Variants in CNTN4 observed in about 807,000 individuals in gnomAD.
CNTN4 encodes contactin-4.
In CNTN4, 77 loss-of-function variants were observed where a neutral mutation model predicts 122.5. The ratio of observed to expected loss-of-function variants is 0.63; its 90% confidence interval spans 0.52 to 0.76. The LOEUF (loss-of-function observed/expected upper bound fraction) is 0.76. Among genes scored for constraint, CNTN4 ranks in the 30% least tolerant of loss-of-function variants. The pLI is 0.00. For synonymous variants in CNTN4, 512 were observed against 447.0 expected, an observed-to-expected ratio of 1.15 and a Z score of -1.83; for missense variants, 1,256 against 1,259.1, an observed-to-expected ratio of 1.00 and a Z score of 0.04.
intron 4 of CNTN4, among the ~76,000 whole-genome samples, chr3:2,606,880 A>G (rs1017017583): frequency 2.6e-5 from 4 of 152,224 alleles, no homozygotes; most frequent in African/African-American, 9.6e-5. Context: ...CCTTTGCCTC[A>G]TGGCAGTATT....
chr3:2,404,507 G>T (rs2046963460), intron 3 of CNTN4, among the ~76,000 whole-genome samples: 1 of 152,060 alleles, frequency 6.6e-6, no homozygotes, highest in Admixed American at 6.6e-5. Flanking sequence ...CATTCTCTCT[G>T]CTCTCCCTTT....
chr3:3,038,501 A>G (rs1053129455), intron 18 of CNTN4, among the ~76,000 whole-genome samples: 1 of 152,126 alleles, frequency 6.6e-6, no homozygotes, highest in Non-Finnish European at 1.5e-5. Flanking sequence ...ACCTTGCTCT[A>G]ACTGGTGCAG....
intron 8 of CNTN4, among the ~76,000 whole-genome samples, chr3:2,867,513 C>T (rs1449473397): frequency 6.6e-6 from 1 of 152,140 alleles, no homozygotes; most frequent in African/African-American, 2.4e-5. Flanking sequence ...GTAAAAATCA[C>T]TGTGTACTTT....
chr3:2,863,321 C>CT (rs2093689265), intron 7 of CNTN4, among the ~76,000 whole-genome samples: 1 of 152,104 alleles, frequency 6.6e-6, no homozygotes, highest in Non-Finnish European at 1.5e-5. Flanking sequence ...CCAGCCAAGA[C>CT]TTTTCTGCTG....
intron 3 of CNTN4, among the ~76,000 whole-genome samples, chr3:2,527,977 G>A (rs1295335969): frequency 3.3e-5 from 5 of 152,064 alleles, no homozygotes; most frequent in Non-Finnish European, 5.9e-5. Flanking sequence ...CTAGGTTTCA[G>A]TTTTCAATGT....
intron 7 of CNTN4, among the ~76,000 whole-genome samples, chr3:2,831,188 G>T (rs753823828): frequency 6.6e-6 from 1 of 152,196 alleles, no homozygotes; most frequent in African/African-American, 2.4e-5. Context: ...ATGGCATTTT[G>T]TATGAGGGTA....
chr3:2,114,686 G>A (rs1189029406), intron 2 of CNTN4, among the ~76,000 whole-genome samples: 1 of 152,160 alleles, frequency 6.6e-6, no homozygotes, highest in Non-Finnish European at 1.5e-5. Context: ...TTGCATCATG[G>A]CTTTGTGCAA....
rs111354117 is a variant in CNTN4 at position 2,495,552 on chromosome 3, T to A, written c.-88-75864T>A. Among the ~76,000 whole-genome samples the A allele has an allele frequency of 5.3e-5, 8 of 152,336 alleles. 1 individual carries two copies. The highest frequency in any genetic ancestry group is 1.9e-4 in the African/African-American group (8 of 41,582). ...GTCTGTGGCCTGTTAGGAACCTGGCTGCACAGCAGGAGATGAGCAGCAGGC... is the reference window on the plus strand; with the variant it reads ...GTCTGTGGCCTGTTAGGAACCTGGCAGCACAGCAGGAGATGAGCAGCAGGC... On this transcript the variant is annotated intron_variant, in intron 3 of 24. Coordinates refer to ENST00000418658, the MANE Select transcript of CNTN4 (RefSeq NM_175607.3).
intron 3 of CNTN4, among the ~76,000 whole-genome samples, chr3:2,551,924 G>A (rs2078525242): frequency 6.6e-6 from 1 of 152,048 alleles, no homozygotes; most frequent in Non-Finnish European, 1.5e-5. Flanking sequence ...GTATCAGAGA[G>A]GAAATAAAAT....
chr3:2,329,888 T>G (rs1195251043), intron 2 of CNTN4, among the ~76,000 whole-genome samples: 1 of 152,160 alleles, frequency 6.6e-6, no homozygotes, highest in Non-Finnish European at 1.5e-5. Flanking sequence ...ATGCCACACT[T>G]TTTGACCAGA....
intron 2 of CNTN4, among the ~76,000 whole-genome samples, chr3:2,274,831 C>T (rs1011645818): frequency 6.6e-6 from 1 of 152,028 alleles, no homozygotes; most frequent in East Asian, 1.9e-4. Context: ...AACCCATGTC[C>T]CTGTGATAAG....
At chr3:2,952,230 C>A (rs1337042536) in intron 13 of CNTN4, among the ~76,000 whole-genome samples, 1 of 152,190 alleles carries the variant, frequency 6.6e-6, no homozygotes, top group African/African-American at 2.4e-5. Context: ...ATAGTTGGAA[C>A]CTGTCTGGAC....
At chr3:2,317,196 G>A (rs1025880620) in intron 2 of CNTN4, among the ~76,000 whole-genome samples, 4 of 152,156 alleles carry the variant, frequency 2.6e-5, no homozygotes, top group Non-Finnish European at 4.4e-5. Flanking sequence ...AGCGTTGCCC[G>A]CTGAATCTAG....
At chr3:2,879,976 A>G (rs2093888346) in intron 8 of CNTN4, among the ~76,000 whole-genome samples, 1 of 152,206 alleles carries the variant, frequency 6.6e-6, no homozygotes, top group African/African-American at 2.4e-5. Context: ...AGGAGAGGGA[A>G]AGGCAGGCAG....
At chr3:2,671,093 G>T (rs1425503415) in intron 4 of CNTN4, among the ~76,000 whole-genome samples, 1 of 152,108 alleles carries the variant, frequency 6.6e-6, no homozygotes, top group Non-Finnish European at 1.5e-5. Flanking sequence ...TTCTCGAGGA[G>T]TATCTTTGTG....
chr3:2,128,608 G>A (rs1298170290), intron 2 of CNTN4, among the ~76,000 whole-genome samples: 1 of 152,158 alleles, frequency 6.6e-6, no homozygotes, highest in Non-Finnish European at 1.5e-5. Context: ...GGTATCATGA[G>A]GAAGTCAGTT....
intron 3 of CNTN4, among the ~76,000 whole-genome samples, chr3:2,407,030 AT>A (rs929719780): frequency 6.6e-6 from 1 of 152,182 alleles, no homozygotes; most frequent in African/African-American, 2.4e-5. Flanking sequence ...ATTTTTTTAC[AT>A]GAAGCAGATA....
rs1236690063 is a variant in CNTN4 at position 2,268,509 on chromosome 3, A to AT, written c.-144-70669_-144-70668insT. On this transcript the variant is annotated intron_variant, in intron 2 of 24. Transcript: ENST00000418658. Reference sequence around the variant, plus strand: ...AATTTGATTCTTTTATTATATTAATAGTATCTGTTACATAATATTAACTCA... The same window carrying AT: ...AATTTGATTCTTTTATTATATTAATATGTATCTGTTACATAATATTAACTCA... Among the ~76,000 whole-genome samples, 666 of 152,222 alleles carry AT rather than the reference A, an allele frequency of 4.4e-3. 9 individuals are homozygous for AT. Among genetic ancestry groups the AT allele is most frequent in the African/African-American group, 0.015 (640 of 41,546 alleles).
intron 12 of CNTN4, among the ~76,000 whole-genome samples, chr3:2,904,769 CTA>C (rs2094211393): frequency 6.6e-6 from 1 of 152,178 alleles, no homozygotes; most frequent in Non-Finnish European, 1.5e-5. Context: ...CTACTCTACT[CTA>C]TATCAGCTAG....
Sources: allele counts gnomAD v4.1 joint callset (sites outside exome capture counted in the v4.1 genomes callset), GRCh38; gene constraint gnomAD v4.1.1; transcripts MANE v1.5; gene names NCBI Gene and HGNC (gene_info 2026-07-23, HGNC 2026-07-21).